The following QTMAN variants were observed in gnomAD, a reference collection of about 807,000 sequenced individuals.
QTMAN encodes the protein queuosine-tRNA mannosyltransferase.
the QTMAN span, among the ~76,000 whole-genome samples, chr2:144,200,909 C>T: frequency 2.0e-5 from 3 of 152,028 alleles, no homozygotes; most frequent in Non-Finnish European, 2.9e-5. Context: ...GTGCGCAGAG[C>T]AGGAAAAAAG....
chr2:144,025,927 G>A, the QTMAN span, among the ~76,000 whole-genome samples: 1 of 152,204 alleles, frequency 6.6e-6, no homozygotes, highest in Admixed American at 6.5e-5. Flanking sequence ...GGTATAATGA[G>A]GGAGTCGTTT....
chr2:144,001,152 T>C, the QTMAN span, among the ~76,000 whole-genome samples: 35 of 143,112 alleles, frequency 2.4e-4, no homozygotes, highest in Non-Finnish European at 3.7e-4. Flanking sequence ...AGACTAGTCA[T>C]TGATTGTGTT....
the QTMAN span, among the ~76,000 whole-genome samples, chr2:144,173,762 T>A: frequency 6.6e-6 from 1 of 152,102 alleles, no homozygotes; most frequent in Non-Finnish European, 1.5e-5. Flanking sequence ...GGGGTTCTCG[T>A]GAGAGGTGTT....
chr2:143,974,507 AT>A, the QTMAN span, among the ~76,000 whole-genome samples: 24 of 152,240 alleles, frequency 1.6e-4, no homozygotes, highest in Non-Finnish European at 2.9e-5. Context: ...CATTAAAAAA[AT>A]GTTGCATAAA....
the QTMAN span, among the ~76,000 whole-genome samples, chr2:144,331,885 G>A: frequency 6.6e-6 from 1 of 152,284 alleles, no homozygotes; most frequent in East Asian, 1.9e-4. Flanking sequence ...GGTAACTGAG[G>A]GCGACTAGGA....
chr2:143,990,491 C>T, the QTMAN span, among the ~76,000 whole-genome samples: 1 of 152,160 alleles, frequency 6.6e-6, no homozygotes, highest in African/African-American at 2.4e-5. Context: ...CTGAGAAAGA[C>T]TGGAACCAGG....
the QTMAN span, among the ~76,000 whole-genome samples, chr2:144,191,060 G>C: frequency 1.3e-5 from 2 of 152,154 alleles, no homozygotes; most frequent in Non-Finnish European, 2.9e-5. Flanking sequence ...TCAAACCAGA[G>C]CTTCTCTGCC....
the QTMAN span, among the ~76,000 whole-genome samples, chr2:144,312,313 G>A: frequency 2.6e-5 from 4 of 151,428 alleles, no homozygotes; most frequent in Non-Finnish European, 5.9e-5. Flanking sequence ...ATGCAGGCAT[G>A]AGCCACTACA....
the QTMAN span, among the ~76,000 whole-genome samples, chr2:143,996,171 T>A: frequency 6.6e-6 from 1 of 152,086 alleles, no homozygotes; most frequent in Non-Finnish European, 1.5e-5. Context: ...GCAGTCCTCT[T>A]CCACATAGCT....
At chr2:144,027,369 G>C in the QTMAN span, among the ~76,000 whole-genome samples, 1 of 151,956 alleles carries the variant, frequency 6.6e-6, no homozygotes, top group African/African-American at 2.4e-5. Context: ...ATTACTCCTC[G>C]GACTCAGGTT....
At chr2:144,089,906 T>TG in the QTMAN span, among the ~76,000 whole-genome samples, 3 of 152,048 alleles carry the variant, frequency 2.0e-5, no homozygotes, top group African/African-American at 7.2e-5. Context: ...AGTCAGTTCA[T>TG]GGACACACTA....
chr2:144,025,368 C>T, the QTMAN span, among the ~76,000 whole-genome samples: 1 of 152,044 alleles, frequency 6.6e-6, no homozygotes, highest in South Asian at 2.1e-4. Flanking sequence ...TGGTGATGGC[C>T]CTGATTTGAG....
At chr2:144,238,370 T>C in the QTMAN span, among the ~76,000 whole-genome samples, 1 of 152,212 alleles carries the variant, frequency 6.6e-6, no homozygotes, top group Non-Finnish European at 1.5e-5. Flanking sequence ...AGTGGAGTTT[T>C]CTACTAGAAT....
At chr2:143,978,318 A>G in the QTMAN span, among the ~76,000 whole-genome samples, 3 of 152,118 alleles carry the variant, frequency 2.0e-5, no homozygotes. Context: ...CCCCAGTTAA[A>G]TCTTCCCACT....
chr2:144,159,936 T>C, the QTMAN span, among the ~76,000 whole-genome samples: 1 of 152,060 alleles, frequency 6.6e-6, no homozygotes, highest in African/African-American at 2.4e-5. Context: ...TTTCAGGCTA[T>C]ATTTTTTTAG....
the QTMAN span, among the ~76,000 whole-genome samples, chr2:144,212,053 G>T: frequency 5.9e-5 from 9 of 152,228 alleles, no homozygotes; most frequent in African/African-American, 2.2e-4. Flanking sequence ...GTGTTTGCTA[G>T]AAGATGGCAG....
the QTMAN span, chr2:144,294,253 T>C: frequency 1.3e-5 from 2 of 152,314 alleles, no homozygotes; most frequent in South Asian, 4.1e-4. Flanking sequence ...CTGAACTCTT[T>C]TGCAGAAGCG....
chr2:144,166,821 C>T, the QTMAN span, among the ~76,000 whole-genome samples: 5 of 152,298 alleles, frequency 3.3e-5, no homozygotes, highest in East Asian at 9.6e-4. Flanking sequence ...CTAGTTCCCA[C>T]ATATCTGAAC....
chr2:144,179,075 A>G, the QTMAN span: 35 of 382,102 alleles, frequency 9.2e-5, no homozygotes, highest in African/African-American at 7.3e-4. Flanking sequence ...GAATACTTAC[A>G]TATAGTCAAG....
Sources: gnomAD v4.1 joint callset for allele counts (sites outside exome capture counted in the v4.1 genomes callset) on GRCh38, gnomAD v4.1.1 for gene constraint, MANE v1.5 for transcripts, NCBI Gene and HGNC (gene_info 2026-07-23, HGNC 2026-07-21) for gene names.